GZMM: variants seen among roughly 807,000 people sequenced by gnomAD.
GZMM encodes the protein HU-Met-1.
GZMM carries 23 observed loss-of-function variants against 19.2 expected under a neutral mutation model. The ratio of observed to expected loss-of-function variants is 1.20; its 90% CI spans 0.86 to 1.69. The LOEUF (loss-of-function observed/expected upper bound fraction) is 1.69. GZMM is among the 40% of genes most tolerant of loss of function. GZMM has a pLI of 0.00. For synonymous variants in GZMM, 178 were observed against 160.2 expected, an observed-to-expected ratio of 1.11 and a Z score of -0.84; for missense variants, 373 against 352.2, an observed-to-expected ratio of 1.06 and a Z score of -0.47.
Position 547,263 on chromosome 19 carries a change from G to T in GZMM, c.56-17G>T. The T allele has an allele frequency of 6.7e-7, 1 of 1,493,462 alleles. No homozygotes were observed. The highest frequency in any genetic ancestry group is 8.9e-7 in the Non-Finnish European group (1 of 1,119,516). 92.5% of individuals were successfully genotyped at this position (1,493,462 alleles called of 1,614,324 possible). Reference sequence around the variant, plus strand: ...GCATGTAGCCCCAACCTGGCTCTTTGTCCCCCATCCTGGCAGGCAGCTCCT... The same window carrying T: ...GCATGTAGCCCCAACCTGGCTCTTTTTCCCCCATCCTGGCAGGCAGCTCCT... On this transcript the variant is annotated splice_polypyrimidine_tract_variant and intron_variant, in intron 1 of 4. Transcript: ENST00000264553.
In GZMM at chr19:545,101, C is replaced by T. The variant is rs1324675738; in HGVS notation, c.55+975C>T. ...ATCCATCATCCATTCCTCCTTCCATCCCTCCTTCCTTTCTCCCGTGCTTCT... is the reference window on the plus strand; with the variant it reads ...ATCCATCATCCATTCCTCCTTCCATTCCTCCTTCCTTTCTCCCGTGCTTCT... On this transcript the variant is annotated intron_variant, in intron 1 of 4. Coordinates refer to ENST00000264553, the MANE Select transcript of GZMM (RefSeq NM_005317.4). 3.9e-5 allele frequency among the ~76,000 whole-genome samples: 6 copies of T among 152,258 alleles called. No homozygotes were observed. In the East Asian group the frequency reaches 5.8e-4, roughly 15 times the overall value.
Position 548,798 on chromosome 19 carries a change from C to T in GZMM, c.348+121C>T, listed in dbSNP as rs1483688048. On this transcript the variant is annotated intron_variant, in intron 3 of 4. Transcript: ENST00000264553. ...CCCCGCACTGCTGCCCCTCCCCCCG[C>T]ACTACTGCCCCCTCCCCCATTGCCC... 1.8e-4 allele frequency: 95 copies of T among 536,478 alleles called. 1 individual carries two copies. The highest frequency in any genetic ancestry group is 4.0e-5 in the Non-Finnish European group (13 of 322,334). 33.2% of individuals were successfully genotyped at this position (536,478 alleles called of 1,614,324 possible).
chr19:547,686 C>T (rs1185900467), intron 2 of GZMM, among the ~76,000 whole-genome samples: 1 of 152,202 alleles, frequency 6.6e-6, no homozygotes, highest in East Asian at 1.9e-4. Flanking sequence ...GCTCCTTTCA[C>T]GGCTGAGCCA....
chr19:544,733 C>T lies in GZMM; in HGVS notation c.55+607C>T, dbSNP rs57412582. ...CCCTCCCTCCCTCCCTCCCTCCCTCCCTCATCTCCCCTTCCTTCCCTCTAC... is the reference window on the plus strand; with the variant it reads ...CCCTCCCTCCCTCCCTCCCTCCCTCTCTCATCTCCCCTTCCTTCCCTCTAC... On this transcript the variant is annotated intron_variant, in intron 1 of 4. Coordinates refer to ENST00000264553, the MANE Select transcript of GZMM (RefSeq NM_005317.4). 4.8e-4 allele frequency among the ~76,000 whole-genome samples: 53 copies of T among 110,824 alleles called. 2 individuals carry two copies. The highest frequency in any genetic ancestry group is 1.7e-3 in the African/African-American group (52 of 30,028). 72.7% of individuals were successfully genotyped at this position (110,824 alleles called of 152,430 possible). A position where few individuals can be genotyped will look rare whatever the true frequency, so the allele number is the denominator to read the frequency against.
intron 2 of GZMM, among the ~76,000 whole-genome samples, chr19:548,277 G>C (rs1359758785): frequency 6.6e-6 from 1 of 152,180 alleles, no homozygotes; most frequent in South Asian, 2.1e-4. Context: ...TGAAGCTGTA[G>C]GCTTGGGGTT....
intron 2 of GZMM, 90 bp downstream of exon 2, chr19:547,526 G>C: frequency 9.5e-7 from 1 of 1,050,144 alleles, no homozygotes; most frequent in Non-Finnish European, 1.2e-6. Context: ...GGGAGATTTA[G>C]GCCCATTGTG....
rs772396880 is a variant in GZMM at position 547,314 on chromosome 19, G to A, written c.90G>A (p.Arg30=). The stretch of plus-strand genomic sequence containing the variant: ...TTGGGACCCAGATCATCGGGGGCCG[G>A]GAGGTGATCCCCCACTCGCGCCCGT... ...SSFGTQIIGG[R]EVIPHSRPYM... is the part of the protein sequence containing the mutation. The change falls in exon 2 of 5, where the codon CGG becomes CGA. Residue 30 remains arginine, a synonymous_variant. Transcript: ENST00000264553. 4 of 1,570,250 alleles carry A rather than the reference G, an allele frequency of 2.5e-6. No homozygotes were observed. Among genetic ancestry groups the A allele is most frequent in the East Asian group, 2.5e-5 (1 of 40,794 alleles).
At chr19:544,930 CCCGT>C (rs778559007) in intron 1 of GZMM, among the ~76,000 whole-genome samples, 1 of 137,158 alleles carries the variant, frequency 7.3e-6, no homozygotes, top group Non-Finnish European at 1.7e-5. Flanking sequence ...CTTCCACCCA[CCCGT>C]CCATCCATCA....
At position 544,143 on chromosome 19, in the gene GZMM, A is replaced by T. The variant is rs897192768; in HGVS notation, c.55+17A>T. The T allele has an allele frequency of 1.3e-6, 2 of 1,545,726 alleles. No individual in the cohort carries two copies. The highest frequency in any genetic ancestry group is 1.7e-6 in the Non-Finnish European group (2 of 1,144,536). On this transcript the variant is annotated intron_variant, in intron 1 of 4. Coordinates refer to ENST00000264553, the MANE Select transcript of GZMM (RefSeq NM_005317.4). Reference sequence around the variant, plus strand: ...TGTCAGTAGGTGAGTGGGAGCCGGGATGCAGGGGGGACACTGAGGCCCAGC... The same window carrying T: ...TGTCAGTAGGTGAGTGGGAGCCGGGTTGCAGGGGGGACACTGAGGCCCAGC...
At position 549,518 on chromosome 19, in the gene GZMM, G is replaced by A. The variant is rs530541565; in HGVS notation, c.613-112G>A. The A allele has an allele frequency of 6.1e-5, 70 of 1,138,486 alleles. 1 individual carries two copies. The Admixed American group carries it at 1.3e-3, about 21-fold the overall frequency. The allele number at this position is 1,138,486 out of a possible 1,614,324, so 70.5% of individuals were successfully genotyped here. A position where few individuals can be genotyped will look rare whatever the true frequency, so the allele number is the denominator to read the frequency against. ...CGCGTGGGCCGGGAGCAGCCCCTGTGTCTCCTTGAGCCTGGGGATAACAGG... is the reference window on the plus strand; with the variant it reads ...CGCGTGGGCCGGGAGCAGCCCCTGTATCTCCTTGAGCCTGGGGATAACAGG... On this transcript the variant is annotated intron_variant, in intron 4 of 4. Coordinates refer to ENST00000264553, the MANE Select transcript of GZMM (RefSeq NM_005317.4).
At chr19:549,208 TG>T (rs1980419167) in intron 4 of GZMM, 23 bp downstream of exon 4, 3 of 1,544,982 alleles carry the variant, frequency 1.9e-6, no homozygotes, top group Non-Finnish European at 8.7e-7. Context: ...CGGGTGGGGC[TG>T]GGGGAATGAG....
Position 547,408 on chromosome 19 carries a change from C to T in GZMM, c.184C>T (p.Leu62=), listed in dbSNP as rs1269267933. ...TGTCCTGGTGCACCCAAAGTGGGTG[C>T]TGACGGCTGCCCACTGCCTGGCCCA... ...GGVLVHPKWV[L]TAAHCLAQRM... The change falls in exon 2 of 5, where the codon CTG becomes TTG. Residue 62 remains leucine (L), a synonymous_variant. Transcript: ENST00000264553. The T allele has an allele frequency of 1.3e-6, 2 of 1,496,806 alleles. No homozygotes were observed. 92.7% of individuals were successfully genotyped at this position (1,496,806 alleles called of 1,614,324 possible).
Position 549,057 on chromosome 19 carries a change from G to T in GZMM, c.484G>T (p.Val162Leu). The T allele has an allele frequency of 6.3e-7, 1 of 1,594,654 alleles. No homozygotes were observed. Reference sequence around the variant, plus strand: ...CCACCAGGGCGGGCGCCTGTCCCGGGTGCTGCGGGAGCTGGACCTCCAAGT... The same window carrying T: ...CCACCAGGGCGGGCGCCTGTCCCGGTTGCTGCGGGAGCTGGACCTCCAAGT... ...LTHQGGRLSR[V>L]LRELDLQVLD... Residue 162 changes from valine to leucine, a missense_variant, in exon 4 of 5, where the codon GTG becomes TTG. Transcript: ENST00000264553.
At position 547,396 on chromosome 19, in the gene GZMM, C is replaced by G. The variant is rs1293036358; in HGVS notation, c.172C>G (p.Pro58Ala). The change falls in exon 2 of 5, where the codon CCA becomes GCA. Residue 58 changes from proline (P) to alanine (A), a missense_variant. Physicochemically the swap from Pro to Ala is conservative, Grantham distance 27 (BLOSUM62 -1). Coordinates refer to ENST00000264553, the MANE Select transcript of GZMM (RefSeq NM_005317.4). The part of the protein sequence containing the change: ...SHLCGGVLVH[P>A]KWVLTAAHCL... ...CCTGTGCGGGGGTGTCCTGGTGCAC[C>G]CAAAGTGGGTGCTGACGGCTGCCCA... The G allele has an allele frequency of 6.6e-7, 1 of 1,520,652 alleles. No homozygotes were observed. Among genetic ancestry groups the G allele is most frequent in the Non-Finnish European group, 8.8e-7 (1 of 1,133,804 alleles). The allele number at this position is 1,520,652 out of a possible 1,614,324, so 94.2% of individuals were successfully genotyped here.
intron 2 of GZMM, 109 bp from the exon 3 acceptor site, chr19:548,433 G>A (rs564611119): frequency 1.3e-4 from 143 of 1,085,946 alleles, no homozygotes; most frequent in African/African-American, 1.0e-3. Context: ...GAGGGGCAGC[G>A]GCTGTGAGTG....
In GZMM at chr19:544,950, C is replaced by T. The variant is rs1054441573; in HGVS notation, c.55+824C>T. Among the ~76,000 whole-genome samples, 570 of 142,858 alleles carry T rather than the reference C, an allele frequency of 4.0e-3. 8 individuals carry two copies. The highest frequency in any genetic ancestry group is 0.014 in the African/African-American group (508 of 36,320). 93.7% of individuals were successfully genotyped at this position (142,858 alleles called of 152,430 possible). The stretch of plus-strand genomic sequence containing the variant: ...ACCCACCCGTCCATCCATCATCCAT[C>T]CCTCCTTTCAACCTCCCTCCTTCCC... On this transcript the variant is annotated intron_variant, in intron 1 of 4. Coordinates refer to ENST00000264553, the MANE Select transcript of GZMM (RefSeq NM_005317.4).
intron 1 of GZMM, among the ~76,000 whole-genome samples, chr19:546,644 C>G (rs1389864422): frequency 2.0e-5 from 3 of 151,426 alleles, no homozygotes; most frequent in Non-Finnish European, 4.4e-5. Flanking sequence ...TCGAGACCAG[C>G]CTGGCTAACA....
rs1034443341 is a variant in GZMM at position 544,718 on chromosome 19, C to A, written c.55+592C>A. Among the ~76,000 whole-genome samples the A allele has an allele frequency of 2.4e-3, 289 of 121,850 alleles. 3 individuals are homozygous for A. The highest frequency in any genetic ancestry group is 3.5e-3 in the Non-Finnish European group (200 of 57,410). 79.9% of individuals were successfully genotyped at this position (121,850 alleles called of 152,430 possible). A position where few individuals can be genotyped will look rare whatever the true frequency, so the allele number is the denominator to read the frequency against. On this transcript the variant is annotated intron_variant, in intron 1 of 4. Coordinates refer to ENST00000264553, the MANE Select transcript of GZMM (RefSeq NM_005317.4). ...CCATGGGTCCATCATCCCTCCCTCC[C>A]TCCCTCCCTCCCTCCCTCATCTCCC...
intron 1 of GZMM, 33 bp downstream of exon 1, chr19:544,159 G>A: frequency 6.5e-7 from 1 of 1,531,874 alleles, no homozygotes. Flanking sequence ...GGGGGACACT[G>A]AGGCCCAGCG....
Sources: gnomAD v4.1 joint callset for allele counts (sites outside exome capture counted in the v4.1 genomes callset) on GRCh38, gnomAD v4.1.1 for gene constraint, MANE v1.5 for transcripts, NCBI Gene and HGNC (gene_info 2026-07-23, HGNC 2026-07-21) for gene names.